C11orf91: variants seen among roughly 807,000 people sequenced by gnomAD.
C11orf91 encodes the protein uncharacterized protein C11orf91.
In C11orf91, 10 loss-of-function variants were observed where a neutral mutation model predicts 14.3. That is an observed-to-expected ratio of 0.70 (90% confidence interval 0.43 to 1.18). The LOEUF (loss-of-function observed/expected upper bound fraction) is 1.18, where lower values mean the gene tolerates loss of function less well. Among genes scored for constraint, C11orf91 ranks in the 50% most tolerant of loss-of-function variants. C11orf91 has a pLI of 0.00. For synonymous variants in C11orf91, 141 were observed against 130.6 expected (o/e 1.08, Z -0.54); for missense variants, 236 against 269.0 (o/e 0.88, Z 0.86).
Position 33,700,355 on chromosome 11 carries a change from G to A in C11orf91, c.386C>T (p.Thr129Ile), listed in dbSNP as rs1451966183. ...GTGGGAGGCAGAGGCGAGCCTGGGG[G>A]TCGAGGGGCAGGGGACCAGGGGCGA... The part of the protein sequence containing the change: ...VASPLVPCPS[T>I]PRLASASHPE... The change falls in exon 1 of 2, where the codon ACC becomes ATC. Residue 129 changes from threonine (T) to isoleucine (I), a missense_variant. By Grantham distance (89) the Thr-to-Ile change is moderately conservative. Transcript: ENST00000379011. The A allele has an allele frequency of 3.3e-6, 5 of 1,535,248 alleles. No homozygotes were observed. The highest frequency in any genetic ancestry group is 3.5e-6 in the Non-Finnish European group (4 of 1,146,664).
chr11:33,701,948 G>C (rs1853135235), upstream of C11orf91, among the ~76,000 whole-genome samples: 1 of 152,062 alleles, frequency 6.6e-6, no homozygotes, highest in African/African-American at 2.4e-5. Flanking sequence ...ACTTGAACTT[G>C]GACACTTTGT....
chr11:33,698,573 C>G, intron 1 of C11orf91, 59 bp from the exon 2 acceptor site: 1 of 1,184,644 alleles, frequency 8.4e-7, no homozygotes, highest in South Asian at 1.3e-5. Flanking sequence ...CCTAACACTT[C>G]CAAAGCAAAC....
At chr11:33,700,180 CG>C in intron 1 of C11orf91, 64 bp downstream of exon 1, 2 of 1,468,486 alleles carry the variant, frequency 1.4e-6, no homozygotes, top group Non-Finnish European at 1.8e-6. Flanking sequence ...GGTCGGGGCA[CG>C]GAGCCAAGGA....
upstream of C11orf91, among the ~76,000 whole-genome samples, chr11:33,701,198 C>T (rs1264289000): frequency 1.3e-5 from 2 of 152,250 alleles, no homozygotes; most frequent in African/African-American, 4.8e-5. Flanking sequence ...AGACTTACCT[C>T]ATTGCCTCAC....
chr11:33,699,193 A>G (rs1853080770), intron 1 of C11orf91, among the ~76,000 whole-genome samples: 1 of 152,204 alleles, frequency 6.6e-6, no homozygotes, highest in South Asian at 2.1e-4. Context: ...TCCAGGACTT[A>G]GCAAAGCCCA....
upstream of C11orf91, chr11:33,700,839 G>C (rs2133498489): frequency 8.8e-7 from 1 of 1,135,298 alleles, no homozygotes; most frequent in South Asian, 4.0e-5. Flanking sequence ...GCCCCGCCCC[G>C]ATGGAGCGCG....
intron 1 of C11orf91, chr11:33,699,597 C>T (rs1366130732): frequency 6.6e-6 from 3 of 456,330 alleles, no homozygotes; most frequent in South Asian, 4.6e-5. Flanking sequence ...CCCGCATCAG[C>T]ACACGTGGTC....
rs1367070030 is a variant in C11orf91, at chr11:33,700,751, AG to A, written c.-12del. 1 of 1,332,110 alleles carries A rather than the reference AG, an allele frequency of 7.5e-7. No homozygotes were observed. Among genetic ancestry groups the A allele is most frequent in the Non-Finnish European group, 9.6e-7 (1 of 1,039,340 alleles). 82.5% of individuals were successfully genotyped at this position (1,332,110 alleles called of 1,614,324 possible). A position where few individuals can be genotyped will look rare whatever the true frequency, so the allele number is the denominator to read the frequency against. On this transcript the variant is annotated 5_prime_UTR_variant, in exon 1 of 2. Transcript: ENST00000379011. ...CCGCCCCTTTGGCATCGTTTGAATG[AG>A]GGTCTGCGTGGGAGGAACCCCGCGC...
At chr11:33,701,056 G>A (rs976190283), upstream of C11orf91, among the ~76,000 whole-genome samples, 1 of 152,230 alleles carries the variant, frequency 6.6e-6, no homozygotes, top group African/African-American at 2.4e-5. Context: ...GGCTTCCGTT[G>A]TCATATCCCA....
chr11:33,698,992 C>A (rs1047811169), intron 1 of C11orf91, among the ~76,000 whole-genome samples: 2 of 151,860 alleles, frequency 1.3e-5, no homozygotes, highest in Non-Finnish European at 2.9e-5. Flanking sequence ...GTTGGTCAGG[C>A]TGGTCCTCAA....
chr11:33,701,576 T>A (rs1301226350), upstream of C11orf91, among the ~76,000 whole-genome samples: 1 of 152,192 alleles, frequency 6.6e-6, no homozygotes, highest in East Asian at 1.9e-4. Context: ...GACAGCTCAT[T>A]TATGTGAGTA....
upstream of C11orf91, among the ~76,000 whole-genome samples, chr11:33,702,186 A>G (rs1044439999): frequency 2.0e-5 from 3 of 152,230 alleles, no homozygotes; most frequent in African/African-American, 7.2e-5. Flanking sequence ...GCGATAGCTC[A>G]GCACCCAGCC....
Position 33,700,354 on chromosome 11 carries a change from G to T in C11orf91, c.387C>A (p.Thr129=). The T allele has an allele frequency of 6.5e-7, 1 of 1,535,414 alleles. No homozygotes were observed. ...GGTGGGAGGCAGAGGCGAGCCTGGG[G>T]GTCGAGGGGCAGGGGACCAGGGGCG... ...VASPLVPCPS[T]PRLASASHPE... Residue 129 remains threonine (T), a synonymous_variant, in exon 1 of 2, where the codon ACC becomes ACA. Coordinates refer to ENST00000379011, the MANE Select transcript of C11orf91 (RefSeq NM_001166692.2).
intron 1 of C11orf91, among the ~76,000 whole-genome samples, chr11:33,698,916 G>C (rs1853074100): frequency 6.6e-6 from 1 of 151,360 alleles, no homozygotes; most frequent in East Asian, 2.0e-4. Context: ...GAGTAGATGA[G>C]ATTACAAATG....
In C11orf91 at chr11:33,698,399, G is replaced by A; in HGVS notation, c.*30C>T. The A allele has an allele frequency of 2.2e-6, 3 of 1,361,952 alleles. No individual in the cohort carries two copies. Among genetic ancestry groups the A allele is most frequent in the Non-Finnish European group, 3.0e-6 (3 of 986,892 alleles). 84.4% of individuals were successfully genotyped at this position (1,361,952 alleles called of 1,614,324 possible). ...TATCTAAGCACTAACACCTAAGGAG[G>A]TGGCTGCCCAAGCTCTGGTAGGCAG... On this transcript the variant is annotated 3_prime_UTR_variant, in exon 2 of 2. Coordinates refer to ENST00000379011, the MANE Select transcript of C11orf91 (RefSeq NM_001166692.2).
At position 33,700,662 on chromosome 11, in the gene C11orf91, AC is replaced by A; in HGVS notation, c.78del (p.Tyr27ThrfsTer23). The A allele has an allele frequency of 6.8e-7, 1 of 1,467,522 alleles. No individual in the cohort carries two copies. The highest frequency in any genetic ancestry group is 9.0e-7 in the Non-Finnish European group (1 of 1,112,844). The allele number at this position is 1,467,522 out of a possible 1,614,324, so 90.9% of individuals were successfully genotyped here. On this transcript the variant is annotated frameshift_variant, in exon 1 of 2. Transcript: ENST00000379011. LOFTEE classifies it high-confidence loss of function. Reference protein sequence around the residue: ...RSAPPLYFPSLYDRGISSSPL... With the variant: ...RSAPPLYFPSXYDRGISSSPL... ...GGGGACGAGGAGATGCCGCGGTCGT[AC>A]AGGGACGGGAAATAGAGGGGCGGAG...
At chr11:33,702,490 T>A (rs1853145288), upstream of C11orf91, among the ~76,000 whole-genome samples, 1 of 152,110 alleles carries the variant, frequency 6.6e-6, no homozygotes, top group African/African-American at 2.4e-5. Context: ...AAAAATACCC[T>A]TATCTTCCAT....
At position 33,700,160 on chromosome 11, in the gene C11orf91, C is replaced by A. The variant is rs975135017; in HGVS notation, c.496+85G>T. ...TACTGGGGGCTGGAGTCAAACCAGGCTACATTTCGGGTCGGGGCACGGAGC... is the reference window on the plus strand; with the variant it reads ...TACTGGGGGCTGGAGTCAAACCAGGATACATTTCGGGTCGGGGCACGGAGC... On this transcript the variant is annotated intron_variant, in intron 1 of 1. Coordinates refer to ENST00000379011, the MANE Select transcript of C11orf91 (RefSeq NM_001166692.2). The A allele has an allele frequency of 4.3e-6, 6 of 1,405,996 alleles. No individual in the cohort carries two copies. The African/African-American group carries it at 8.8e-5, about 21-fold the overall frequency. 87.1% of individuals were successfully genotyped at this position (1,405,996 alleles called of 1,614,324 possible). A position where few individuals can be genotyped will look rare whatever the true frequency, so the allele number is the denominator to read the frequency against.
upstream of C11orf91, chr11:33,700,865 C>T (rs958867598): frequency 1.1e-6 from 1 of 941,856 alleles, no homozygotes; most frequent in Non-Finnish European, 1.4e-6. Context: ...ACCCTTTCGC[C>T]TCAGCCCGGC....
Sources: allele counts gnomAD v4.1 joint callset (sites outside exome capture counted in the v4.1 genomes callset), GRCh38; gene constraint gnomAD v4.1.1; transcripts MANE v1.5; gene names NCBI Gene and HGNC (gene_info 2026-07-23, HGNC 2026-07-21).